The following TGM6 variants were observed in gnomAD, a reference collection of about 807,000 sequenced individuals.
The protein encoded by TGM6 is transglutaminase 6.
TGM6 carries 74 observed loss-of-function variants against 77.5 expected under a neutral mutation model. That is an observed-to-expected ratio of 0.96 (90% CI 0.79 to 1.16). The LOEUF is 1.16. Among genes scored for constraint, TGM6 ranks in the 50% most tolerant of loss-of-function variants. The pLI is 0.00. For missense variants in TGM6, 968 were observed against 940.2 expected (o/e 1.03, Z -0.39); for synonymous variants, 383 against 378.9 (o/e 1.01, Z -0.12).
chr20:2,406,362 A>G (rs1419331355), intron 9 of TGM6, among the ~76,000 whole-genome samples: 5 of 151,510 alleles, frequency 3.3e-5, no homozygotes, highest in Non-Finnish European at 7.4e-5. Flanking sequence ...GCATGGTGGC[A>G]TATGCCTGTA....
At chr20:2,386,106 C>T (rs1458467077) in intron 1 of TGM6, among the ~76,000 whole-genome samples, 2 of 152,114 alleles carry the variant, frequency 1.3e-5, no homozygotes, top group African/African-American at 4.8e-5. Flanking sequence ...CTTGGGCTGC[C>T]GTATACCTAG....
intron 1 of TGM6, among the ~76,000 whole-genome samples, chr20:2,387,103 A>C (rs1271772323): frequency 1.3e-5 from 2 of 152,186 alleles, no homozygotes; most frequent in Non-Finnish European, 2.9e-5. Context: ...GTCTCAGCTT[A>C]TATGTCAGTA....
intron 10 of TGM6, among the ~76,000 whole-genome samples, chr20:2,427,816 C>T (rs1465582355): frequency 1.3e-5 from 2 of 152,134 alleles, no homozygotes; most frequent in Non-Finnish European, 2.9e-5. Context: ...AGTGCAGTGG[C>T]ACAATCATGG....
intron 1 of TGM6, among the ~76,000 whole-genome samples, chr20:2,391,075 G>A (rs998201171): frequency 2.0e-5 from 3 of 151,884 alleles, no homozygotes; most frequent in Non-Finnish European, 4.4e-5. Flanking sequence ...AACAACGAGT[G>A]ATCTTAGATT....
intron 10 of TGM6, among the ~76,000 whole-genome samples, chr20:2,428,651 ATAT>A (rs535086667): frequency 1.8e-4 from 27 of 151,930 alleles, no homozygotes; most frequent in Non-Finnish European, 3.1e-4. Context: ...AGTGTTTTTG[ATAT>A]TATTATCAAT....
Position 2,432,730 on chromosome 20 carries a change from C to G in TGM6, c.*87C>G, listed in dbSNP as rs45544131. The G allele has an allele frequency of 6.3e-7, 1 of 1,587,328 alleles. No homozygotes were observed. The highest frequency in any genetic ancestry group is 1.1e-5 in the South Asian group (1 of 90,186). On this transcript the variant is annotated 3_prime_UTR_variant, in exon 13 of 13. Transcript: ENST00000202625. ...TCTCTTCCACATGGGAGCCAGGAGGCCTCAGTTAATCCTGCCTCAACCTCT... is the reference window on the plus strand; with the variant it reads ...TCTCTTCCACATGGGAGCCAGGAGGGCTCAGTTAATCCTGCCTCAACCTCT...
intron 9 of TGM6, among the ~76,000 whole-genome samples, chr20:2,410,025 C>G (rs2084775322): frequency 6.6e-6 from 1 of 152,168 alleles, no homozygotes; most frequent in African/African-American, 2.4e-5. Flanking sequence ...TTCTGGCACA[C>G]AGCTCCTAAA....
chr20:2,406,628 G>A (rs1413649801), intron 9 of TGM6, among the ~76,000 whole-genome samples: 1 of 151,178 alleles, frequency 6.6e-6, no homozygotes, highest in African/African-American at 2.4e-5. Context: ...CTGAGGTCAA[G>A]AGTTCGAGAC....
At chr20:2,429,746 C>T (rs574132057) in intron 10 of TGM6, among the ~76,000 whole-genome samples, 18 of 150,762 alleles carry the variant, frequency 1.2e-4, no homozygotes, top group African/African-American at 3.9e-4. Context: ...TCCAGCCTCG[C>T]GACAGAGCGA....
At chr20:2,421,579 CTTCTTTGGTG>C (rs1280641293) in intron 10 of TGM6, among the ~76,000 whole-genome samples, 8 of 152,218 alleles carry the variant, frequency 5.3e-5, no homozygotes, top group Non-Finnish European at 1.0e-4. Context: ...ATCTCTATCT[CTTCTTTGGTG>C]AGGTGTCCAG....
At chr20:2,428,168 G>A (rs1020350171) in intron 10 of TGM6, among the ~76,000 whole-genome samples, 4 of 152,106 alleles carry the variant, frequency 2.6e-5, no homozygotes, top group African/African-American at 9.7e-5. Context: ...CCTTTTTGGT[G>A]AGTGCTCCGT....
chr20:2,431,355 T>A (rs573360145), intron 12 of TGM6, among the ~76,000 whole-genome samples: 4 of 152,254 alleles, frequency 2.6e-5, no homozygotes, highest in Admixed American at 1.3e-4. Context: ...GCTTACTCTT[T>A]ATTCACTCAT....
At chr20:2,407,233 G>A (rs2084758358) in intron 9 of TGM6, among the ~76,000 whole-genome samples, 1 of 152,180 alleles carries the variant, frequency 6.6e-6, no homozygotes, top group Admixed American at 6.5e-5. Context: ...TTTACATTTA[G>A]GTTAACAAAA....
chr20:2,396,885 G>A (rs1248278429), intron 4 of TGM6, among the ~76,000 whole-genome samples: 4 of 152,134 alleles, frequency 2.6e-5, no homozygotes, highest in Admixed American at 1.3e-4. Context: ...GCTCTGATCA[G>A]TGGTTTTCAA....
rs1289547207 is a variant in TGM6, at chr20:2,399,706, A to G, written c.818A>G (p.Gln273Arg). The G allele has an allele frequency of 6.2e-7, 1 of 1,608,334 alleles. No homozygotes were observed. The highest frequency in any genetic ancestry group is 1.3e-5 in the African/African-American group (1 of 74,560). ...AGGTACAAGCCAGTCAAGTACGGCC[A>G]GTGCTGGGTCTTCGCCGGAGTCCTG... ...KGRYKPVKYGQCWVFAGVLCT... is the reference protein window; with the variant it reads ...KGRYKPVKYGRCWVFAGVLCT... Residue 273 changes from glutamine to arginine, a missense_variant, in exon 6 of 13, where the codon CAG becomes CGG. Physicochemically the swap from Gln to Arg is conservative, Grantham distance 43. Transcript: ENST00000202625.
intron 9 of TGM6, among the ~76,000 whole-genome samples, chr20:2,411,025 G>T (rs2084781468): frequency 6.6e-6 from 1 of 152,140 alleles, no homozygotes; most frequent in Admixed American, 6.6e-5. Flanking sequence ...TGTCACTGGT[G>T]AATTCTACCA....
chr20:2,398,098 C>A, intron 5 of TGM6, 52 bp downstream of exon 5: 1 of 1,613,910 alleles, frequency 6.2e-7, no homozygotes. Context: ...ATCCCCCAGC[C>A]AACCCCGGGG....
At chr20:2,431,130 A>G in intron 12 of TGM6, 103 bp downstream of exon 12, 2 of 1,461,518 alleles carry the variant, frequency 1.4e-6, no homozygotes, top group Non-Finnish European at 9.3e-7. Context: ...GATTCTGGAC[A>G]CCCCAGGAAC....
chr20:2,394,699 C>A, intron 2 of TGM6, 74 bp downstream of exon 2: 1 of 1,490,386 alleles, frequency 6.7e-7, no homozygotes, highest in Non-Finnish European at 9.1e-7. Flanking sequence ...TAACATAAGA[C>A]CTTGCAGTCA....
Sources: gnomAD v4.1 joint callset for allele counts (sites outside exome capture counted in the v4.1 genomes callset) on GRCh38, gnomAD v4.1.1 for gene constraint, MANE v1.5 for transcripts, NCBI Gene and HGNC (gene_info 2026-07-23, HGNC 2026-07-21) for gene names.